The following CCND2 variants were observed in gnomAD, a reference collection of about 807,000 sequenced individuals.
CCND2 encodes the protein cyclin D2, also known as G1/S-specific cyclin-D2.
In CCND2, 6 loss-of-function variants were observed where a neutral mutation model predicts 30.2. The ratio of observed to expected loss-of-function variants is 0.20; its 90% CI spans 0.11 to 0.39. The LOEUF (loss-of-function observed/expected upper bound fraction) is 0.39. Among genes scored for constraint, CCND2 ranks in the 10% least tolerant of loss-of-function variants. The pLI is 1.00. For missense variants in CCND2, 235 were observed against 373.4 expected, an observed-to-expected ratio of 0.63 and a Z score of 3.06; for synonymous variants, 150 against 153.1, an observed-to-expected ratio of 0.98 and a Z score of 0.15.
At chr12:4,278,635 C>A (rs754164102) in intron 2 of CCND2, 125 bp from the exon 3 acceptor site, 42 of 829,640 alleles carry the variant, frequency 5.1e-5, no homozygotes, top group Admixed American at 8.4e-5. Flanking sequence ...GCCCGCCTTA[C>A]AATCTAGCAG....
chr12:4,290,961 G>C (rs1347986376), intron 4 of CCND2, among the ~76,000 whole-genome samples: 1 of 152,126 alleles, frequency 6.6e-6, no homozygotes, highest in East Asian at 1.9e-4. Context: ...TTCTATAATG[G>C]GCACACGCCG....
chr12:4,290,657 C>T (rs768281987), intron 4 of CCND2, among the ~76,000 whole-genome samples: 3 of 152,046 alleles, frequency 2.0e-5, no homozygotes, highest in African/African-American at 7.2e-5. Context: ...GGCTGACCAC[C>T]CTACCGGCTC....
chr12:4,275,412 C>T (rs1232192341), intron 1 of CCND2: 2 of 147,440 alleles, frequency 1.4e-5, no homozygotes, highest in Non-Finnish European at 3.0e-5. Flanking sequence ...GAAACCATCC[C>T]CCCCTGCTCC....
rs990318815 is a variant in CCND2, at chr12:4,293,497, C to G, written c.720+4507C>G. On this transcript the variant is annotated intron_variant, in intron 4 of 4. Coordinates refer to ENST00000261254, the MANE Select transcript of CCND2 (RefSeq NM_001759.4). This position sits in a 1 kb window ranked among gnomAD's most constrained non-coding sequence, Gnocchi z 4.9. ...GTGATGCTGAGGTTTGGGCTTCAGT[C>G]GAACCCGTCACCCAGACAGTGTACA... Among the ~76,000 whole-genome samples the G allele has an allele frequency of 6.6e-6, 1 of 152,182 alleles. No individual in the cohort carries two copies. The highest frequency in any genetic ancestry group is 1.5e-5 in the Non-Finnish European group (1 of 68,036).
rs146516727 is a variant in CCND2 at position 4,282,999 on chromosome 12, C to A, written c.571+4080C>A. Reference sequence around the variant, plus strand: ...GCGTCAGAGTGCGTATCTCTCTCCCCCTATTGGTGAACAGAAGCAAAGCCA... The same window carrying A: ...GCGTCAGAGTGCGTATCTCTCTCCCACTATTGGTGAACAGAAGCAAAGCCA... On this transcript the variant is annotated intron_variant, in intron 3 of 4. Coordinates refer to ENST00000261254, the MANE Select transcript of CCND2 (RefSeq NM_001759.4). This position sits in a 1 kb window ranked among gnomAD's most constrained non-coding sequence, Gnocchi z 4.3. 1.3e-5 allele frequency among the ~76,000 whole-genome samples: 2 copies of A among 152,218 alleles called. No homozygotes were observed. The highest frequency in any genetic ancestry group is 6.5e-5 in the Admixed American group (1 of 15,292).
chr12:4,291,749 G>A (rs779867245), intron 4 of CCND2, among the ~76,000 whole-genome samples: 37 of 152,224 alleles, frequency 2.4e-4, no homozygotes, highest in Non-Finnish European at 1.2e-4. Context: ...GTATGGGCAC[G>A]CAATGGAATA....
rs1360280309 is a variant in CCND2 at position 4,303,854 on chromosome 12, C to T, written c.*3845C>T. On this transcript the variant is annotated 3_prime_UTR_variant, in exon 5 of 5. Transcript: ENST00000261254. This position sits in a 1 kb window ranked among gnomAD's most constrained non-coding sequence, Gnocchi z 4.6. The stretch of plus-strand genomic sequence containing the variant: ...CTGGGTCATCCTTGGTCTATGTGCT[C>T]TGTACTGGAGGCTCTGTTCTGCCTC... 2.1e-5 allele frequency: 5 copies of T among 233,164 alleles called. No individual in the cohort carries two copies. The highest frequency in any genetic ancestry group is 5.6e-5 in the Admixed American group (1 of 17,772). The allele number at this position is 233,164 out of a possible 1,614,324, so 14.4% of individuals were successfully genotyped here.
chr12:4,294,733 C>G (rs934333212), intron 4 of CCND2, among the ~76,000 whole-genome samples: 1 of 152,212 alleles, frequency 6.6e-6, no homozygotes, highest in South Asian at 2.1e-4. Context: ...AGCTGGGAAA[C>G]GAGGGCATTT....
At chr12:4,290,808 A>C (rs1311894417) in intron 4 of CCND2, among the ~76,000 whole-genome samples, 1 of 152,056 alleles carries the variant, frequency 6.6e-6, no homozygotes, top group Middle Eastern at 3.2e-3. Flanking sequence ...ATCTGGGGAA[A>C]CTGTTTGCCT....
At chr12:4,283,622 C>T (rs769216123) in intron 3 of CCND2, among the ~76,000 whole-genome samples, 4 of 152,210 alleles carry the variant, frequency 2.6e-5, no homozygotes, top group African/African-American at 4.8e-5. Flanking sequence ...TCATCACCGC[C>T]GTCATAAGCA....
intron 3 of CCND2, among the ~76,000 whole-genome samples, chr12:4,281,386 A>G (rs1396851522): frequency 6.6e-6 from 1 of 152,158 alleles, no homozygotes; most frequent in East Asian, 1.9e-4. Context: ...TGGAGAGGCG[A>G]TTGTGCATTG....
chr12:4,285,474 T>C lies in CCND2; in HGVS notation c.572-3368T>C. On this transcript the variant is annotated intron_variant, in intron 3 of 4. Transcript: ENST00000261254. This position sits in a 1 kb window ranked among gnomAD's most constrained non-coding sequence, Gnocchi z 4.1. The stretch of plus-strand genomic sequence containing the variant: ...TTAAAATAATATTACGTACAAATTT[T>C]ACAAACTCATCTGTGTTTCTCCCAC... The C allele has an allele frequency of 1.0e-6, 1 of 962,852 alleles. No individual in the cohort carries two copies. The highest frequency in any genetic ancestry group is 1.2e-6 in the Non-Finnish European group (1 of 809,296). 59.6% of individuals were successfully genotyped at this position (962,852 alleles called of 1,614,324 possible). A position where few individuals can be genotyped will look rare whatever the true frequency, so the allele number is the denominator to read the frequency against.
intron 3 of CCND2, among the ~76,000 whole-genome samples, chr12:4,283,964 A>C (rs1393920669): frequency 6.6e-6 from 1 of 152,144 alleles, no homozygotes; most frequent in Non-Finnish European, 1.5e-5. Flanking sequence ...CACATACACA[A>C]CTGGATAGTG....
intron 4 of CCND2, among the ~76,000 whole-genome samples, chr12:4,289,368 G>T (rs1864065900): frequency 2.0e-5 from 3 of 152,132 alleles, no homozygotes; most frequent in Admixed American, 2.0e-4. Flanking sequence ...CGCTGAGGCT[G>T]TAAGGCGCAC....
intron 4 of CCND2, among the ~76,000 whole-genome samples, chr12:4,296,755 C>G (rs1188521194): frequency 6.6e-6 from 1 of 151,964 alleles, no homozygotes; most frequent in East Asian, 1.9e-4. Context: ...TCTCAAGTCC[C>G]TGTACAGTGG....
intron 4 of CCND2, among the ~76,000 whole-genome samples, chr12:4,297,152 T>A (rs1864180919): frequency 8.0e-6 from 1 of 124,860 alleles, no homozygotes; most frequent in African/African-American, 3.0e-5. Context: ...ACAGCAGTTC[T>A]GACCGTTGTC....
At position 4,302,072 on chromosome 12, in the gene CCND2, T is replaced by C. The variant is rs955836632; in HGVS notation, c.*2063T>C. The C allele has an allele frequency of 8.6e-6, 2 of 233,000 alleles. No homozygotes were observed. Among genetic ancestry groups the C allele is most frequent in the Admixed American group, 5.6e-5 (1 of 17,728 alleles). The allele number at this position is 233,000 out of a possible 1,614,324, so 14.4% of individuals were successfully genotyped here. The stretch of plus-strand genomic sequence containing the variant: ...TTGTTTTCATAATACCTCACAACCG[T>C]ACAGTTTCTGCTTGGGAGCCCATTC... On this transcript the variant is annotated 3_prime_UTR_variant, in exon 5 of 5. Coordinates refer to ENST00000261254, the MANE Select transcript of CCND2 (RefSeq NM_001759.4).
In CCND2 at chr12:4,282,721, G is replaced by T. The variant is rs1462781681; in HGVS notation, c.571+3802G>T. 2.0e-5 allele frequency among the ~76,000 whole-genome samples: 3 copies of T among 152,154 alleles called. No homozygotes were observed. The highest frequency in any genetic ancestry group is 7.2e-5 in the African/African-American group (3 of 41,440). The stretch of plus-strand genomic sequence containing the variant: ...ATGAATGGGTAGCAGGCTGCTCATC[G>T]CCCTCCAACCAGCCCCCTCCCCAGC... On this transcript the variant is annotated intron_variant, in intron 3 of 4. Transcript: ENST00000261254. This position sits in a 1 kb window ranked among gnomAD's most constrained non-coding sequence, Gnocchi z 4.3.
At chr12:4,297,613 AC>A (rs1293572930) in intron 4 of CCND2, 1 of 154,490 alleles carries the variant, frequency 6.5e-6, no homozygotes, top group Admixed American at 6.4e-5. Flanking sequence ...AAGAAAAGAA[AC>A]ATTATACCTT....
Sources: gnomAD v4.1 joint callset for allele counts (sites outside exome capture counted in the v4.1 genomes callset) on GRCh38, gnomAD v4.1.1 for gene constraint, Gnocchi (gnomAD v3.1) non-coding constraint, MANE v1.5 for transcripts, NCBI Gene and HGNC (gene_info 2026-07-23, HGNC 2026-07-21) for gene names.